Variants in HP1BP3 observed in about 807,000 individuals in gnomAD.
The protein encoded by HP1BP3 is heterochromatin protein 1 binding protein 3, also known as heterochromatin protein 1-binding protein 3.
HP1BP3 carries 12 observed loss-of-function variants against 62.5 expected under a neutral mutation model. The ratio of observed to expected loss-of-function variants is 0.19; its 90% CI spans 0.12 to 0.31. The LOEUF is 0.31. Among genes scored for constraint, HP1BP3 ranks in the 10% least tolerant of loss-of-function variants. The pLI, the probability that HP1BP3 is intolerant of heterozygous loss-of-function variation, is 1.00. For synonymous variants in HP1BP3, 260 were observed against 237.8 expected, an observed-to-expected ratio of 1.09 and a Z score of -0.86; for missense variants, 502 against 651.8, an observed-to-expected ratio of 0.77 and a Z score of 2.50.
At chr1:20,749,230 TCAG>T (rs1266402622) in intron 10 of HP1BP3, among the ~76,000 whole-genome samples, 5 of 152,070 alleles carry the variant, frequency 3.3e-5, no homozygotes, top group African/African-American at 1.2e-4. Context: ...AATTAAGAAT[TCAG>T]TTTTGATTAT....
In HP1BP3 at chr1:20,740,446, A is replaced by G. The variant is rs979355499; in HGVS notation, c.*4351T>C. On this transcript the variant is annotated 3_prime_UTR_variant, in exon 13 of 13. Transcript: ENST00000438032. ...AACAGTTAAAACAGTTAAAAAGCTGATAAAATTAAATCATCAAAGGTAGAA... is the reference window on the plus strand; with the variant it reads ...AACAGTTAAAACAGTTAAAAAGCTGGTAAAATTAAATCATCAAAGGTAGAA... 6.6e-6 allele frequency among the ~76,000 whole-genome samples: 1 copy of G among 152,268 alleles called. No homozygotes were observed. Among genetic ancestry groups the G allele is most frequent in the African/African-American group, 2.4e-5 (1 of 41,468 alleles).
At position 20,772,491 on chromosome 1, in the gene HP1BP3, TAA is replaced by T. The variant is rs537913157; in HGVS notation, c.510+958_510+959del. On this transcript the variant is annotated intron_variant, in intron 5 of 12. Coordinates refer to ENST00000438032, the MANE Select transcript of HP1BP3 (RefSeq NM_001372052.1). ...ACTACAGTGAGGTAATCTAGACCAATAAAGTTTTCTTAATGAGGTGAGAGCAT... is the reference window on the plus strand; with the variant it reads ...ACTACAGTGAGGTAATCTAGACCAATAGTTTTCTTAATGAGGTGAGAGCAT... Among the ~76,000 whole-genome samples, 664 of 151,534 alleles carry T rather than the reference TAA, an allele frequency of 4.4e-3. 24 individuals are homozygous for T. Among genetic ancestry groups the T allele is most frequent in the Non-Finnish European group, 1.3e-3 (88 of 67,732 alleles).
chr1:20,776,831 A>G (rs2057324910), intron 3 of HP1BP3, 81 bp from the exon 4 acceptor site: 2 of 1,232,278 alleles, frequency 1.6e-6, no homozygotes, highest in South Asian at 3.7e-5. Flanking sequence ...TATCTTATTA[A>G]ACGGACCAGC....
At chr1:20,763,993 A>G (rs1330716785) in intron 8 of HP1BP3, among the ~76,000 whole-genome samples, 3 of 152,066 alleles carry the variant, frequency 2.0e-5, no homozygotes, top group Admixed American at 1.3e-4. Flanking sequence ...TGCCCAGCCT[A>G]AAAGTACATT....
chr1:20,748,778 C>T (rs2055515003), intron 10 of HP1BP3, among the ~76,000 whole-genome samples: 1 of 151,678 alleles, frequency 6.6e-6, no homozygotes, highest in African/African-American at 2.4e-5. Flanking sequence ...AAAAAAAAGA[C>T]TTCAAAATTA....
At position 20,775,909 on chromosome 1, in the gene HP1BP3, TATACCC is replaced by T. The variant is rs150496448; in HGVS notation, c.350+682_350+687del. On this transcript the variant is annotated intron_variant, in intron 4 of 12. Transcript: ENST00000438032. ...GCCTAAAGATGTATCTCTCAGAATG[TATACCC>T]ATTGTTAAGCAATGCATGACTATAG... The T allele has an allele frequency of 4.1e-3, 5,941 of 1,464,254 alleles. 211 individuals carry two copies. In the African/African-American group the frequency reaches 0.076, roughly 19 times the overall value. 90.7% of individuals were successfully genotyped at this position (1,464,254 alleles called of 1,614,324 possible).
In HP1BP3 at chr1:20,749,885, G is replaced by A; in HGVS notation, c.982-3C>T. 1 of 1,610,640 alleles carries A rather than the reference G, an allele frequency of 6.2e-7. No individual in the cohort carries two copies. Among genetic ancestry groups the A allele is most frequent in the South Asian group, 1.1e-5 (1 of 90,524 alleles). On this transcript the variant is annotated splice_polypyrimidine_tract_variant and splice_region_variant and intron_variant, in intron 9 of 12. Coordinates refer to ENST00000438032, the MANE Select transcript of HP1BP3 (RefSeq NM_001372052.1). ...GGTTTCTCCCCTGATTTCTTCAGCT[G>A]TTTTCCAAGGAGGAAGAGAAAAGCA...
At position 20,742,783 on chromosome 1, in the gene HP1BP3, A is replaced by G. The variant is rs1394062316; in HGVS notation, c.*2014T>C. 1 of 152,670 alleles carries G rather than the reference A, an allele frequency of 6.6e-6. No individual in the cohort carries two copies. Among genetic ancestry groups the G allele is most frequent in the Non-Finnish European group, 1.5e-5 (1 of 68,034 alleles). The allele number at this position is 152,670 out of a possible 1,614,324, so 9.5% of individuals were successfully genotyped here. A position where few individuals can be genotyped will look rare whatever the true frequency, so the allele number is the denominator to read the frequency against. ...TGCCTTACATGCAACACAAATTCCAATGAATTCATGATGGGATCACACATG... is the reference window on the plus strand; with the variant it reads ...TGCCTTACATGCAACACAAATTCCAGTGAATTCATGATGGGATCACACATG... On this transcript the variant is annotated 3_prime_UTR_variant, in exon 13 of 13. Transcript: ENST00000438032.
chr1:20,759,878 C>G (rs1026695211), intron 8 of HP1BP3, among the ~76,000 whole-genome samples: 4 of 122,544 alleles, frequency 3.3e-5, no homozygotes, highest in South Asian at 2.4e-4. Context: ...TTTTAAAGAC[C>G]GATTTTTTTT....
intron 11 of HP1BP3, 78 bp from the exon 12 acceptor site, chr1:20,745,734 C>G (rs1321588500): frequency 5.5e-6 from 8 of 1,449,396 alleles, no homozygotes; most frequent in Non-Finnish European, 6.6e-6. Context: ...ATGCTCTTAC[C>G]TGGACATATC....
intron 8 of HP1BP3, among the ~76,000 whole-genome samples, chr1:20,763,574 T>A (rs973699249): frequency 7.2e-5 from 11 of 152,216 alleles, no homozygotes; most frequent in Non-Finnish European, 1.2e-4. Flanking sequence ...AATATGGTAG[T>A]CTTCTGTAGA....
chr1:20,770,787 T>G, intron 6 of HP1BP3, 143 bp downstream of exon 6: 1 of 620,366 alleles, frequency 1.6e-6, no homozygotes, highest in African/African-American at 1.9e-5. Context: ...CCTCAGATAA[T>G]TCAACTAGGT....
In HP1BP3 at chr1:20,775,687, C is replaced by T. The variant is rs569330853; in HGVS notation, c.350+910G>A. The T allele has an allele frequency of 1.2e-3, 339 of 287,128 alleles. 1 individual carries two copies. The highest frequency in any genetic ancestry group is 6.8e-3 in the African/African-American group (311 of 46,018). The allele number at this position is 287,128 out of a possible 1,614,324, so 17.8% of individuals were successfully genotyped here. On this transcript the variant is annotated intron_variant, in intron 4 of 12. Coordinates refer to ENST00000438032, the MANE Select transcript of HP1BP3 (RefSeq NM_001372052.1). ...TTTTATCTTTTATATTATATTTTTACTGTACCTTTTCTATGTTTAAATACA... is the reference window on the plus strand; with the variant it reads ...TTTTATCTTTTATATTATATTTTTATTGTACCTTTTCTATGTTTAAATACA...
At chr1:20,778,783 CTCTTTTTTTTTTTTT>C (rs1256421877) in intron 3 of HP1BP3, among the ~76,000 whole-genome samples, 6 of 151,532 alleles carry the variant, frequency 4.0e-5, no homozygotes, top group South Asian at 4.2e-4. Flanking sequence ...TTTTCTACTC[CTCTTTTTTTTTTTTT>C]TCTTTTTTTT....
chr1:20,772,160 T>C (rs577536898), intron 5 of HP1BP3, among the ~76,000 whole-genome samples: 1 of 152,314 alleles, frequency 6.6e-6, no homozygotes, highest in African/African-American at 2.4e-5. Flanking sequence ...AATCCGACAG[T>C]GAGATGGTAG....
chr1:20,753,348 TG>T (rs774239103), intron 9 of HP1BP3, among the ~76,000 whole-genome samples: 2 of 152,128 alleles, frequency 1.3e-5, no homozygotes, highest in East Asian at 1.9e-4. Context: ...GAGCCTGTCA[TG>T]TAAAAAAATA....
chr1:20,759,880 A>ATTTTTTTTTTTT (rs71014104), intron 8 of HP1BP3, among the ~76,000 whole-genome samples: 7 of 113,016 alleles, frequency 6.2e-5, no homozygotes, highest in Non-Finnish European at 1.1e-4. Context: ...TTAAAGACCG[A>ATTTTTTTTTTTT]TTTTTTTTTT....
At chr1:20,748,964 A>G (rs1299831330) in intron 10 of HP1BP3, among the ~76,000 whole-genome samples, 1 of 152,170 alleles carries the variant, frequency 6.6e-6, no homozygotes, top group African/African-American at 2.4e-5. Context: ...ACCACCTCCT[A>G]GAGTAAATAT....
At position 20,744,671 on chromosome 1, in the gene HP1BP3, T is replaced by TCC. The variant is rs764277306; in HGVS notation, c.*124_*125dup. On this transcript the variant is annotated 3_prime_UTR_variant, in exon 13 of 13. Coordinates refer to ENST00000438032, the MANE Select transcript of HP1BP3 (RefSeq NM_001372052.1). ...CCTAAACTGGTTTATTTAGAGTCCC[T>TCC]CCCCACAATGTTCATAGGGGAGGAA... 7.9e-6 allele frequency: 7 copies of TCC among 889,646 alleles called. No homozygotes were observed. Among genetic ancestry groups the TCC allele is most frequent in the Non-Finnish European group, 1.2e-5 (7 of 593,126 alleles). 55.1% of individuals were successfully genotyped at this position (889,646 alleles called of 1,614,324 possible). A position where few individuals can be genotyped will look rare whatever the true frequency, so the allele number is the denominator to read the frequency against.
Sources: allele counts gnomAD v4.1 joint callset (sites outside exome capture counted in the v4.1 genomes callset), GRCh38; gene constraint gnomAD v4.1.1; transcripts MANE v1.5; gene names NCBI Gene and HGNC (gene_info 2026-07-23, HGNC 2026-07-21).